Variants in AGBL1 observed in about 807,000 individuals in gnomAD.
AGBL1 encodes cytosolic carboxypeptidase 4.
A neutral mutation model predicts 118.9 loss-of-function variants in AGBL1; 130 were observed. The ratio of observed to expected loss-of-function variants is 1.09; its 90% confidence interval spans 0.95 to 1.26. The LOEUF is 1.26. Among genes scored for constraint, AGBL1 ranks in the 50% most tolerant of loss-of-function variants. The pLI is 0.00. For missense variants in AGBL1, 1,584 were observed against 1,298.1 expected (o/e 1.22, Z -3.38); for synonymous variants, 555 against 478.9 (o/e 1.16, Z -2.08).
At chr15:86,726,870 C>G (rs1364081895) in intron 22 of AGBL1, among the ~76,000 whole-genome samples, 4 of 152,168 alleles carry the variant, frequency 2.6e-5, no homozygotes, top group Non-Finnish European at 2.9e-5. Flanking sequence ...TATGTATCAT[C>G]ATTATCATTG....
At chr15:86,875,750 G>A (rs536563966) in intron 22 of AGBL1, among the ~76,000 whole-genome samples, 2 of 152,260 alleles carry the variant, frequency 1.3e-5, no homozygotes, top group East Asian at 3.9e-4. Context: ...TTGAGAATGG[G>A]GTAGAGATCA....
intron 24 of AGBL1, among the ~76,000 whole-genome samples, chr15:87,024,328 T>A (rs2081701922): frequency 6.6e-6 from 1 of 151,898 alleles, no homozygotes; most frequent in Admixed American, 6.6e-5. Flanking sequence ...ATAAAAAAGA[T>A]CATTTAAGGC....
At chr15:86,453,630 G>A (rs1039864716) in intron 18 of AGBL1, among the ~76,000 whole-genome samples, 3 of 152,148 alleles carry the variant, frequency 2.0e-5, no homozygotes, top group South Asian at 2.1e-4. Context: ...TTTCTCATCC[G>A]TAGTAAGCTG....
intron 23 of AGBL1, among the ~76,000 whole-genome samples, chr15:86,971,893 CAGG>C (rs1357350999): frequency 6.6e-6 from 1 of 151,864 alleles, no homozygotes; most frequent in African/African-American, 2.4e-5. Flanking sequence ...AGTGAGTTCT[CAGG>C]AGATCTAATG....
At chr15:86,320,101 A>G (rs1202760769) in intron 17 of AGBL1, among the ~76,000 whole-genome samples, 1 of 152,134 alleles carries the variant, frequency 6.6e-6, no homozygotes, top group Non-Finnish European at 1.5e-5. Flanking sequence ...TCACTTCTAA[A>G]TAAATTTTGG....
intron 19 of AGBL1, among the ~76,000 whole-genome samples, chr15:86,544,994 T>A (rs986013506): frequency 1.3e-5 from 2 of 152,220 alleles, no homozygotes; most frequent in African/African-American, 4.8e-5. Context: ...AACCTCCCTT[T>A]AGGAGGAACG....
At chr15:86,947,526 T>C (rs997994100) in intron 23 of AGBL1, among the ~76,000 whole-genome samples, 14 of 152,212 alleles carry the variant, frequency 9.2e-5, no homozygotes, top group Non-Finnish European at 1.2e-4. Context: ...ACAGAAAGGA[T>C]TGCTGAGCTA....
At chr15:86,435,531 T>G (rs1271000550) in intron 18 of AGBL1, among the ~76,000 whole-genome samples, 1 of 152,212 alleles carries the variant, frequency 6.6e-6, no homozygotes, top group Non-Finnish European at 1.5e-5. Flanking sequence ...ATAATCTCCA[T>G]GTGAATCAGA....
chr15:86,958,265 C>A (rs1344604393), intron 23 of AGBL1, among the ~76,000 whole-genome samples: 1 of 150,708 alleles, frequency 6.6e-6, no homozygotes, highest in Admixed American at 6.6e-5. Flanking sequence ...CTCTCCTTTG[C>A]ATTGTATTAA....
rs770791177 is a variant in AGBL1 at position 86,988,035 on chromosome 15, C to CT, written c.3276dup (p.Ala1093CysfsTer19). 36 of 1,613,384 alleles carry CT rather than the reference C, an allele frequency of 2.2e-5. 1 individual carries two copies. In the East Asian group the frequency reaches 7.4e-4, roughly 33 times the overall value. The stretch of plus-strand genomic sequence containing the variant: ...CAAAGCATATTTGGTTTGCTTACCA[C>CT]TTTTTTGCCATTACAAACTTTTTCA... On this transcript the variant is annotated frameshift_variant, in exon 24 of 25. Coordinates refer to the AGBL1 transcript ENST00000441037. LOFTEE classifies it high-confidence loss of function.
At chr15:86,618,117 C>T (rs2084756180) in intron 21 of AGBL1, among the ~76,000 whole-genome samples, 1 of 152,108 alleles carries the variant, frequency 6.6e-6, no homozygotes, top group Non-Finnish European at 1.5e-5. Flanking sequence ...TAATTATAAC[C>T]AACAAACAGA....
chr15:86,604,433 C>G (rs576246184), intron 21 of AGBL1, among the ~76,000 whole-genome samples: 1 of 152,198 alleles, frequency 6.6e-6, no homozygotes, highest in African/African-American at 2.4e-5. Context: ...AGTTACCCAT[C>G]TAATCATGAA....
At chr15:86,535,498 A>G (rs563903453) in intron 19 of AGBL1, among the ~76,000 whole-genome samples, 1 of 152,326 alleles carries the variant, frequency 6.6e-6, no homozygotes, top group African/African-American at 2.4e-5. Flanking sequence ...GGCTTCAGAA[A>G]TGGGAATGGG....
intron 18 of AGBL1, among the ~76,000 whole-genome samples, chr15:86,424,172 A>ACATGGTAATGGTATT (rs1434311955): frequency 6.6e-6 from 1 of 152,188 alleles, no homozygotes; most frequent in East Asian, 1.9e-4. Context: ...TGGTAATGGT[A>ACATGGTAATGGTATT]CTGGTACCAA....
intron 17 of AGBL1, among the ~76,000 whole-genome samples, chr15:86,354,967 G>A (rs188877320): frequency 6.6e-6 from 1 of 152,296 alleles, no homozygotes; most frequent in Admixed American, 6.5e-5. Context: ...TGAAGATGGA[G>A]GCAGGAAGCT....
chr15:86,310,057 G>A (rs2079896756), intron 17 of AGBL1, among the ~76,000 whole-genome samples: 1 of 152,172 alleles, frequency 6.6e-6, no homozygotes, highest in South Asian at 2.1e-4. Context: ...ATCAGATCCT[G>A]AGCTTTTCTT....
At chr15:86,328,207 C>T (rs2080215083) in intron 17 of AGBL1, among the ~76,000 whole-genome samples, 1 of 152,120 alleles carries the variant, frequency 6.6e-6, no homozygotes, top group African/African-American at 2.4e-5. Flanking sequence ...CAAGTTAATG[C>T]TTATTGTGAT....
intron 21 of AGBL1, among the ~76,000 whole-genome samples, chr15:86,559,608 C>T (rs2083784911): frequency 1.3e-5 from 2 of 152,156 alleles, no homozygotes; most frequent in African/African-American, 4.8e-5. Flanking sequence ...TTATTGTGTG[C>T]TAAGCCCTTT....
At chr15:86,125,083 G>A (rs1327035532) in intron 1 of AGBL1, among the ~76,000 whole-genome samples, 1 of 152,198 alleles carries the variant, frequency 6.6e-6, no homozygotes, top group Non-Finnish European at 1.5e-5. Flanking sequence ...CTTTGTGAGA[G>A]TAAAGAACTT....
Sources: gnomAD v4.1 joint callset for allele counts (sites outside exome capture counted in the v4.1 genomes callset) on GRCh38, gnomAD v4.1.1 for gene constraint, MANE v1.5 for transcripts, NCBI Gene and HGNC (gene_info 2026-07-23, HGNC 2026-07-21) for gene names.